The following TRHDE variants were observed in gnomAD, a reference collection of about 807,000 sequenced individuals.
TRHDE encodes thyrotropin-releasing hormone-degrading ectoenzyme.
TRHDE carries 72 observed loss-of-function variants against 125.7 expected under a neutral mutation model. The observed-to-expected ratio is 0.57, with a 90% CI of 0.47 to 0.70. TRHDE has a LOEUF of 0.70. Among genes scored for constraint, TRHDE ranks in the 30% least tolerant of loss-of-function variants. The probability of loss-of-function intolerance (pLI) is 0.00; values close to 1 mark genes in which losing one functional copy is unlikely to be tolerated. For synonymous variants in TRHDE, 509 were observed against 509.1 expected, an observed-to-expected ratio of 1.00 and a Z score of 0.00; for missense variants, 1,110 against 1,327.1, an observed-to-expected ratio of 0.84 and a Z score of 2.54.
At chr12:72,445,177 C>A (rs537151231) in intron 3 of TRHDE, among the ~76,000 whole-genome samples, 7 of 150,348 alleles carry the variant, frequency 4.7e-5, no homozygotes, top group Non-Finnish European at 8.9e-5. Flanking sequence ...TTTTTTTTTT[C>A]AAATTGCTTC....
intron 2 of TRHDE, among the ~76,000 whole-genome samples, chr12:72,137,065 C>T (rs914000581): frequency 5.9e-5 from 9 of 152,136 alleles, no homozygotes; most frequent in Non-Finnish European, 1.0e-4. Flanking sequence ...TCTCTGGGAA[C>T]GGTGCCCTTT....
At chr12:72,565,724 A>G (rs928307131) in intron 9 of TRHDE, among the ~76,000 whole-genome samples, 1 of 152,174 alleles carries the variant, frequency 6.6e-6, no homozygotes, top group African/African-American at 2.4e-5. Flanking sequence ...TATTTTATAA[A>G]AAGATGTCTC....
At chr12:72,612,710 C>T (rs1275408370) in intron 12 of TRHDE, among the ~76,000 whole-genome samples, 1 of 152,178 alleles carries the variant, frequency 6.6e-6, no homozygotes, top group Non-Finnish European at 1.5e-5. Context: ...TACATTAAGT[C>T]CTCAATACAT....
chr12:72,524,648 G>T (rs1407310560), intron 6 of TRHDE, among the ~76,000 whole-genome samples: 1 of 152,128 alleles, frequency 6.6e-6, no homozygotes, highest in Non-Finnish European at 1.5e-5. Flanking sequence ...CTTGAACTCA[G>T]TGATGGCCCA....
At chr12:72,508,916 C>T (rs1273762123) in intron 6 of TRHDE, among the ~76,000 whole-genome samples, 1 of 152,074 alleles carries the variant, frequency 6.6e-6, no homozygotes, top group Admixed American at 6.6e-5. Context: ...TCTGCTCCAG[C>T]CATGTAAGAT....
chr12:72,441,923 G>C (rs1233881375), intron 3 of TRHDE, among the ~76,000 whole-genome samples: 1 of 151,844 alleles, frequency 6.6e-6, no homozygotes, highest in African/African-American at 2.4e-5. Context: ...GAGTAAACTT[G>C]GGAACACCAG....
At chr12:72,111,973 T>C (rs1408098018) in intron 2 of TRHDE, among the ~76,000 whole-genome samples, 1 of 151,848 alleles carries the variant, frequency 6.6e-6, no homozygotes, top group African/African-American at 2.4e-5. Context: ...CAGTGTTTGG[T>C]TGGGGGAAAG....
intron 12 of TRHDE, among the ~76,000 whole-genome samples, chr12:72,581,864 A>G (rs1352347942): frequency 3.3e-5 from 5 of 152,080 alleles, no homozygotes; most frequent in Non-Finnish European, 5.9e-5. Flanking sequence ...GCATTTTGGG[A>G]GGCCGAGGTG....
intron 2 of TRHDE, among the ~76,000 whole-genome samples, chr12:72,227,698 C>G (rs1878161685): frequency 6.6e-6 from 1 of 152,200 alleles, no homozygotes; most frequent in South Asian, 2.1e-4. Flanking sequence ...CAGCAAATCC[C>G]TTCTGCCTAT....
chr12:72,167,668 C>T (rs1202129318), intron 2 of TRHDE: 2 of 152,134 alleles, frequency 1.3e-5, no homozygotes, highest in Non-Finnish European at 2.9e-5. Context: ...AGTAACACAC[C>T]TTGTGGGATT....
intron 3 of TRHDE, among the ~76,000 whole-genome samples, chr12:72,396,461 C>A (rs1464190256): frequency 6.6e-6 from 1 of 152,022 alleles, no homozygotes; most frequent in African/African-American, 2.4e-5. Context: ...AGACTTTATT[C>A]TCGGCCAGGT....
At chr12:72,223,573 A>C (rs1388809238) in intron 2 of TRHDE, among the ~76,000 whole-genome samples, 6 of 152,124 alleles carry the variant, frequency 3.9e-5, no homozygotes, top group Non-Finnish European at 5.9e-5. Context: ...TTTTTTTAAA[A>C]AGATAAATAT....
chr12:72,365,983 C>G (rs957553347), intron 2 of TRHDE, among the ~76,000 whole-genome samples: 6 of 152,184 alleles, frequency 3.9e-5, no homozygotes, highest in African/African-American at 1.4e-4. Context: ...GCTCCTTTCT[C>G]CATCTTTGCA....
At chr12:72,121,702 T>C (rs1875586218) in intron 2 of TRHDE, among the ~76,000 whole-genome samples, 1 of 151,830 alleles carries the variant, frequency 6.6e-6, no homozygotes, top group African/African-American at 2.4e-5. Context: ...ACCTGCTTTT[T>C]GGTATTTACG....
At position 72,640,919 on chromosome 12, in the gene TRHDE, G is replaced by A. The variant is rs998142209; in HGVS notation, c.2676-11403G>A. On this transcript the variant is annotated intron_variant, in intron 15 of 18. Coordinates refer to ENST00000261180, the MANE Select transcript of TRHDE (RefSeq NM_013381.3). ...GAAAGAATGAGGTGCTCTTAGAGAG[G>A]CTAGTGGTTTGAGAAATGTTTTTCA... 3.9e-5 allele frequency among the ~76,000 whole-genome samples: 6 copies of A among 152,190 alleles called. 1 individual carries two copies. The highest frequency in any genetic ancestry group is 1.4e-4 in the African/African-American group (6 of 41,450).
chr12:72,575,010 T>A (rs1870923895), intron 10 of TRHDE, among the ~76,000 whole-genome samples: 1 of 151,892 alleles, frequency 6.6e-6, no homozygotes. Context: ...AGTAATGGGG[T>A]TTTGTCAAGA....
intron 4 of TRHDE, among the ~76,000 whole-genome samples, chr12:72,470,415 G>A (rs1876585699): frequency 6.6e-6 from 1 of 152,142 alleles, no homozygotes; most frequent in South Asian, 2.1e-4. Context: ...TCAAATGATT[G>A]ATATTTTTTG....
At chr12:72,581,973 G>A (rs1033188167) in intron 12 of TRHDE, among the ~76,000 whole-genome samples, 1 of 151,780 alleles carries the variant, frequency 6.6e-6, no homozygotes, top group African/African-American at 2.4e-5. Context: ...AAGGTGGCAG[G>A]CGCCTGTAGT....
chr12:72,553,736 C>A (rs1217547474), intron 7 of TRHDE, among the ~76,000 whole-genome samples: 2 of 151,714 alleles, frequency 1.3e-5, no homozygotes, highest in Non-Finnish European at 2.9e-5. Flanking sequence ...CTCCACCACA[C>A]CCCCCACCCC....
Sources: gnomAD v4.1 joint callset for allele counts (sites outside exome capture counted in the v4.1 genomes callset) on GRCh38, gnomAD v4.1.1 for gene constraint, MANE v1.5 for transcripts, NCBI Gene and HGNC (gene_info 2026-07-23, HGNC 2026-07-21) for gene names.